KSR2: variants seen among roughly 807,000 people sequenced by gnomAD.
KSR2 encodes kinase suppressor of ras 2.
A neutral mutation model predicts 107.8 loss-of-function variants in KSR2; 25 were observed. The ratio of observed to expected loss-of-function variants is 0.23; its 90% confidence interval spans 0.17 to 0.32. The LOEUF is 0.32. Among genes scored for constraint, KSR2 ranks in the 10% least tolerant of loss-of-function variants. KSR2 has a pLI of 1.00. For missense variants in KSR2, 887 were observed against 1,268.9 expected (o/e 0.70, Z 4.57); for synonymous variants, 480 against 507.0 (o/e 0.95, Z 0.71).
chr12:117,836,435 C>G (rs1892216088), intron 3 of KSR2, among the ~76,000 whole-genome samples: 1 of 152,170 alleles, frequency 6.6e-6, no homozygotes, highest in Non-Finnish European at 1.5e-5. Context: ...TTCACCCCAG[C>G]CAAAAGGAGC....
intron 7 of KSR2, among the ~76,000 whole-genome samples, chr12:117,577,784 C>A (rs1879376044): frequency 6.6e-6 from 1 of 152,188 alleles, no homozygotes; most frequent in Non-Finnish European, 1.5e-5. Flanking sequence ...TATCTCCCAC[C>A]AAGTCCCTCC....
intron 4 of KSR2, among the ~76,000 whole-genome samples, chr12:117,683,930 C>T (rs374374795): frequency 2.3e-4 from 35 of 152,338 alleles, no homozygotes; most frequent in African/African-American, 7.2e-4. Context: ...TAAGTGAACA[C>T]GTATGACCAT....
rs905373887 is a variant in KSR2, at chr12:117,453,485, G to A, written c.*13714C>T. Reference sequence around the variant, plus strand: ...CATGGAGAAAAGAATATGGACCATCGGTCCGCGTTGGTCTGTACAAGAATT... The same window carrying A: ...CATGGAGAAAAGAATATGGACCATCAGTCCGCGTTGGTCTGTACAAGAATT... On this transcript the variant is annotated 3_prime_UTR_variant, in exon 20 of 20. Coordinates refer to ENST00000339824, the MANE Select transcript of KSR2 (RefSeq NM_173598.6). 1 of 152,370 alleles carries A rather than the reference G, an allele frequency of 6.6e-6. No individual in the cohort carries two copies. The highest frequency in any genetic ancestry group is 1.5e-5 in the Non-Finnish European group (1 of 68,002). The allele number at this position is 152,370 out of a possible 1,614,324, so 9.4% of individuals were successfully genotyped here.
intron 4 of KSR2, among the ~76,000 whole-genome samples, chr12:117,746,179 C>G (rs147290374): frequency 1.2e-4 from 19 of 152,264 alleles, no homozygotes; most frequent in African/African-American, 4.6e-4. Flanking sequence ...TGACTTCAAA[C>G]TATACTACAA....
intron 3 of KSR2, among the ~76,000 whole-genome samples, chr12:117,802,484 T>C (rs1890867743): frequency 6.6e-6 from 1 of 152,118 alleles, no homozygotes; most frequent in African/African-American, 2.4e-5. Context: ...ATGGGCATCT[T>C]TGGGGAAAGG....
At chr12:117,610,611 G>A (rs1387657665) in intron 5 of KSR2, among the ~76,000 whole-genome samples, 1 of 151,884 alleles carries the variant, frequency 6.6e-6, no homozygotes, top group Non-Finnish European at 1.5e-5. Context: ...ATGGTGGCAT[G>A]TGCCTGTGTC....
rs1351137128 is a variant in KSR2, at chr12:117,736,746, G to A, written c.986+24265C>T. On this transcript the variant is annotated intron_variant, in intron 4 of 19. Coordinates refer to ENST00000339824, the MANE Select transcript of KSR2 (RefSeq NM_173598.6). ...GAGGATCGCCTGAGGCCAGGAGGCA[G>A]AGGTTACAGTGAGCCAAGATTGTGC... 4.0e-5 allele frequency among the ~76,000 whole-genome samples: 6 copies of A among 151,248 alleles called. No individual in the cohort carries two copies. In the East Asian group the frequency reaches 1.2e-3, roughly 29 times the overall value.
chr12:117,775,743 T>G (rs1356062887), intron 3 of KSR2, among the ~76,000 whole-genome samples: 1 of 152,104 alleles, frequency 6.6e-6, no homozygotes, highest in African/African-American at 2.4e-5. Flanking sequence ...TCTAGAATGT[T>G]ACTCAGCCAT....
At chr12:117,750,938 T>C (rs1212262523) in intron 4 of KSR2, among the ~76,000 whole-genome samples, 1 of 152,208 alleles carries the variant, frequency 6.6e-6, no homozygotes. Context: ...TTCATGTCTT[T>C]GGTATTGTGA....
intron 3 of KSR2, among the ~76,000 whole-genome samples, chr12:117,800,286 T>C (rs1032782868): frequency 7.9e-5 from 12 of 152,114 alleles, no homozygotes; most frequent in African/African-American, 2.9e-4. Flanking sequence ...GAGCCCACTA[T>C]ACATGTTGGG....
chr12:117,475,199 C>T (rs1327987394), intron 17 of KSR2, among the ~76,000 whole-genome samples: 1 of 152,098 alleles, frequency 6.6e-6, no homozygotes, highest in Non-Finnish European at 1.5e-5. Flanking sequence ...TATGTCACTC[C>T]CCCTTCCCCC....
At chr12:117,892,253 G>A (rs1024849160) in intron 1 of KSR2, among the ~76,000 whole-genome samples, 3 of 150,842 alleles carry the variant, frequency 2.0e-5, no homozygotes, top group Non-Finnish European at 4.4e-5. Flanking sequence ...GCAGTGAGCT[G>A]AGATCGCGCC....
At chr12:117,524,062 A>G (rs150512176) in intron 14 of KSR2, among the ~76,000 whole-genome samples, 2 of 152,288 alleles carry the variant, frequency 1.3e-5, no homozygotes, top group African/African-American at 4.8e-5. Context: ...ATGACGTTTT[A>G]TTGGGACACA....
intron 4 of KSR2, among the ~76,000 whole-genome samples, chr12:117,732,221 A>T (rs954229478): frequency 6.6e-6 from 1 of 152,016 alleles, no homozygotes; most frequent in Non-Finnish European, 1.5e-5. Flanking sequence ...CACCTCTTTA[A>T]TGTATGAGTG....
At chr12:117,853,335 C>A (rs1354132467) in intron 3 of KSR2, among the ~76,000 whole-genome samples, 1 of 152,078 alleles carries the variant, frequency 6.6e-6, no homozygotes, top group Non-Finnish European at 1.5e-5. Context: ...TTTATGACAA[C>A]ACTGTAATTT....
At chr12:117,598,332 G>A (rs1053863397) in intron 5 of KSR2, among the ~76,000 whole-genome samples, 3 of 152,188 alleles carry the variant, frequency 2.0e-5, no homozygotes, top group African/African-American at 7.2e-5. Context: ...TTATGGCTGA[G>A]TAGTATTCCA....
At chr12:117,580,783 T>C (rs1199617739) in intron 6 of KSR2, among the ~76,000 whole-genome samples, 2 of 152,088 alleles carry the variant, frequency 1.3e-5, no homozygotes, top group African/African-American at 4.8e-5. Flanking sequence ...GGCTGGACGA[T>C]CTAGGGGGTG....
chr12:117,755,482 G>T (rs1888756865), intron 4 of KSR2, among the ~76,000 whole-genome samples: 1 of 152,110 alleles, frequency 6.6e-6, no homozygotes, highest in South Asian at 2.1e-4. Context: ...TATGGTAATT[G>T]TTTTGGGGTG....
intron 3 of KSR2, among the ~76,000 whole-genome samples, chr12:117,787,619 C>T (rs1018662904): frequency 1.3e-5 from 2 of 151,676 alleles, no homozygotes; most frequent in Non-Finnish European, 2.9e-5. Context: ...GGCAACAGAG[C>T]GAGACTCCAT....
Sources: gnomAD v4.1 joint callset for allele counts (sites outside exome capture counted in the v4.1 genomes callset) on GRCh38, gnomAD v4.1.1 for gene constraint, MANE v1.5 for transcripts, NCBI Gene and HGNC (gene_info 2026-07-23, HGNC 2026-07-21) for gene names.